Variants in POTEI observed in about 807,000 individuals in gnomAD.
POTEI encodes the protein POTE ankyrin domain family member I.
In POTEI, 14 loss-of-function variants were observed where a neutral mutation model predicts 43.4. The ratio of observed to expected loss-of-function variants is 0.32; its 90% confidence interval spans 0.21 to 0.50. POTEI has a LOEUF of 0.50. Among genes scored for constraint, POTEI ranks in the 20% least tolerant of loss-of-function variants. The pLI is 0.98. For missense variants in POTEI, 235 were observed against 795.4 expected (o/e 0.30, Z 8.47); for synonymous variants, 95 against 297.9 (o/e 0.32, Z 7.01).
intron 9 of POTEI, among the ~76,000 whole-genome samples, chr2:130,483,540 G>A (rs1289837665): frequency 3.2e-5 from 4 of 126,702 alleles, no homozygotes; most frequent in Non-Finnish European, 4.8e-5. Context: ...GAGCCAAAAC[G>A]ATTTTAAAAA....
intron 1 of POTEI, among the ~76,000 whole-genome samples, chr2:130,507,454 A>G (rs1647536903): frequency 1.0e-5 from 1 of 100,394 alleles, no homozygotes; most frequent in Admixed American, 1.1e-4. Context: ...ATAGGCATTT[A>G]TATTTTTTCT....
chr2:130,509,039 C>A lies in POTEI; in HGVS notation c.197G>T (p.Cys66Phe), dbSNP rs1384312876. Residue 66 changes from cysteine to phenylalanine, a missense_variant, in exon 1 of 15, where the codon TGC (cysteine) becomes TTC (phenylalanine). Cys to Phe is a radical substitution (Grantham distance 205). Transcript: ENST00000451531. ...CCCCCTGCAGCAGGGGAAGCAGTGG[C>A]AGCACCACTTGCCCATCTTGCTCCT... ...TLRSKMGKWC[C>F]HCFPCCRGSG... 2 of 1,517,608 alleles carry A rather than the reference C, an allele frequency of 1.3e-6. No homozygotes were observed. 94.0% of individuals were successfully genotyped at this position (1,517,608 alleles called of 1,614,324 possible).
intron 1 of POTEI, among the ~76,000 whole-genome samples, chr2:130,506,481 G>A (rs6431162): frequency 0.69 from 3,160 of 4,610 alleles, 1,467 homozygotes; most frequent in Middle Eastern, 1. Context: ...CTTTGTGGAT[G>A]GAAAACAGTA....
rs540832021 is a variant in POTEI, at chr2:130,461,302, G to C, written c.*1514C>G. On this transcript the variant is annotated 3_prime_UTR_variant, in exon 15 of 15. Coordinates refer to ENST00000451531, the MANE Select transcript of POTEI (RefSeq NM_001277406.2). ...CTGAAATGCCTGGGTCGCCCCAACAGCAAAGATGACAATCTGGTCCTCCCC... is the reference window on the plus strand; with the variant it reads ...CTGAAATGCCTGGGTCGCCCCAACACCAAAGATGACAATCTGGTCCTCCCC... 1.3e-5 allele frequency: 2 copies of C among 152,260 alleles called. No homozygotes were observed. Among genetic ancestry groups the C allele is most frequent in the South Asian group, 4.1e-4 (2 of 4,828 alleles). The allele number at this position is 152,260 out of a possible 1,614,324, so 9.4% of individuals were successfully genotyped here.
chr2:130,477,357 G>A (rs910331247), intron 10 of POTEI, among the ~76,000 whole-genome samples: 16 of 145,772 alleles, frequency 1.1e-4, no homozygotes, highest in Non-Finnish European at 1.6e-4. Context: ...TTTCACCATT[G>A]GACAGGATGG....
At chr2:130,480,300 G>C (rs987859698) in intron 10 of POTEI, among the ~76,000 whole-genome samples, 1 of 131,000 alleles carries the variant, frequency 7.6e-6, no homozygotes, top group East Asian at 2.6e-4. Context: ...CAGGATAAGA[G>C]CTACTCATTT....
At chr2:130,492,913 C>T (rs377331332) in intron 6 of POTEI, among the ~76,000 whole-genome samples, 2 of 151,684 alleles carry the variant, frequency 1.3e-5, no homozygotes, top group South Asian at 4.2e-4. Flanking sequence ...AGTCTTCCTA[C>T]CCAGTCCATA....
At chr2:130,483,936 C>T (rs1683493074) in intron 9 of POTEI, among the ~76,000 whole-genome samples, 1 of 150,614 alleles carries the variant, frequency 6.6e-6, no homozygotes, top group South Asian at 2.1e-4. Flanking sequence ...AGGATAAACT[C>T]CATTCACTTA....
At chr2:130,467,619 A>C (rs1375728373) in intron 13 of POTEI, among the ~76,000 whole-genome samples, 1 of 151,634 alleles carries the variant, frequency 6.6e-6, no homozygotes, top group Non-Finnish European at 1.5e-5. Context: ...AAATAAATAA[A>C]TAAGACCTAA....
At chr2:130,498,184 ATC>A (rs1683966671) in intron 5 of POTEI, among the ~76,000 whole-genome samples, 1 of 58,122 alleles carries the variant, frequency 1.7e-5, no homozygotes, top group Admixed American at 2.2e-4. Flanking sequence ...ACAAACACTG[ATC>A]TCTTTCTGCC....
At chr2:130,480,528 T>C (rs1055227638) in intron 10 of POTEI, among the ~76,000 whole-genome samples, 20 of 145,786 alleles carry the variant, frequency 1.4e-4, no homozygotes, top group African/African-American at 4.8e-4. Flanking sequence ...TCTCACTCCA[T>C]GTTCCTTCTG....
At chr2:130,501,887 CAAAAAAA>C (rs1201943516) in intron 3 of POTEI, among the ~76,000 whole-genome samples, 67 of 852 alleles carry the variant, frequency 0.079, no homozygotes, top group African/African-American at 0.093. Context: ...GACCCCATCT[CAAAAAAA>C]AAAAAAAAAA....
intron 13 of POTEI, among the ~76,000 whole-genome samples, chr2:130,474,172 T>G (rs577827154): frequency 6.6e-6 from 1 of 151,480 alleles, no homozygotes; most frequent in Non-Finnish European, 1.5e-5. Context: ...CCCTCACATT[T>G]GCCAATACTG....
intron 13 of POTEI, among the ~76,000 whole-genome samples, chr2:130,468,707 G>T (rs866784091): frequency 0.013 from 1,941 of 150,336 alleles, 1 homozygote; most frequent in African/African-American, 0.045. Flanking sequence ...AACTATTGGG[G>T]GGGGGGGTAT....
chr2:130,483,682 C>T (rs1683479212), intron 9 of POTEI, among the ~76,000 whole-genome samples: 1 of 143,462 alleles, frequency 7.0e-6, no homozygotes, highest in Non-Finnish European at 1.5e-5. Context: ...GCAAGCTCCG[C>T]CTCCTGGGTT....
intron 5 of POTEI, among the ~76,000 whole-genome samples, chr2:130,498,059 CACAG>C (rs1642689623): frequency 7.7e-6 from 1 of 129,646 alleles, no homozygotes; most frequent in African/African-American, 2.8e-5. Context: ...AGGGGCCAAC[CACAG>C]CTGGGAGCCA....
At chr2:130,479,881 T>C (rs62163598) in intron 10 of POTEI, among the ~76,000 whole-genome samples, 20,119 of 28,442 alleles carry the variant, frequency 0.71, 9,744 homozygotes, top group Middle Eastern at 0.98. Context: ...AATATCCCAA[T>C]CCCCCTCCTC....
At chr2:130,474,122 T>A (rs189884483) in intron 13 of POTEI, among the ~76,000 whole-genome samples, 29 of 149,540 alleles carry the variant, frequency 1.9e-4, no homozygotes, top group Admixed American at 1.8e-3. Flanking sequence ...TACCCGAAGC[T>A]AAAATAAAAG....
intron 9 of POTEI, among the ~76,000 whole-genome samples, chr2:130,486,950 T>C (rs1438177923): frequency 1.9e-5 from 2 of 105,748 alleles, no homozygotes; most frequent in Admixed American, 1.0e-4. Flanking sequence ...CTTGGCAATA[T>C]TCAGATTGAG....
Sources: allele counts gnomAD v4.1 joint callset (sites outside exome capture counted in the v4.1 genomes callset), GRCh38; gene constraint gnomAD v4.1.1; transcripts MANE v1.5; gene names NCBI Gene and HGNC (gene_info 2026-07-23, HGNC 2026-07-21).